Variants in FHIT observed in about 807,000 individuals in gnomAD.
The protein encoded by FHIT is bis(5'-adenosyl)-triphosphatase.
Under a neutral mutation model 17.9 loss-of-function variants are expected in FHIT, and 19 were observed. The ratio of observed to expected loss-of-function variants is 1.06; its 90% CI spans 0.74 to 1.56. FHIT has a LOEUF of 1.56. Ranked by LOEUF, FHIT falls within the 40% of genes most tolerant of loss-of-function variation. The pLI, the probability that FHIT is intolerant of heterozygous loss-of-function variation, is 0.00. For missense variants in FHIT, 248 were observed against 189.2 expected, an observed-to-expected ratio of 1.31 and a Z score of -1.82; for synonymous variants, 81 against 69.7, an observed-to-expected ratio of 1.16 and a Z score of -0.81.
chr3:60,014,246 G>C, intron 5 of FHIT, 94 bp from the exon 6 acceptor site: 1 of 1,248,490 alleles, frequency 8.0e-7, no homozygotes, highest in Non-Finnish European at 1.1e-6. Context: ...TCTCGGACCA[G>C]GGCCTGAACT....
chr3:60,785,930 C>CAG (rs1480318756), intron 4 of FHIT, among the ~76,000 whole-genome samples: 4 of 119,806 alleles, frequency 3.3e-5, no homozygotes, highest in African/African-American at 1.3e-4. Context: ...CACACACACA[C>CAG]ACACAGAGAG....
intron 4 of FHIT, among the ~76,000 whole-genome samples, chr3:60,575,593 G>A (rs13076604): frequency 0.3 from 46,331 of 151,988 alleles, 7,304 homozygotes; most frequent in Non-Finnish European, 0.34. Context: ...GAAGACCACA[G>A]TATAAAATGT....
chr3:60,390,396 T>TGAAAAAAAAAAAAAAAAAAAA (rs1701174274), intron 5 of FHIT, among the ~76,000 whole-genome samples: 1 of 32,028 alleles, frequency 3.1e-5, no homozygotes, highest in African/African-American at 1.2e-4. Context: ...GTAATGGAGC[T>TGAAAAAAAAAAAAAAAAAAAA]AAAAAAAAAA....
intron 2 of FHIT, among the ~76,000 whole-genome samples, chr3:61,150,128 G>A (rs2037343942): frequency 6.6e-6 from 1 of 151,878 alleles, no homozygotes; most frequent in East Asian, 1.9e-4. Flanking sequence ...AATGATAAAT[G>A]AGTCCAACTT....
rs150022179 is a variant in FHIT at position 60,109,119 on chromosome 3, G to C, written c.104-94967C>G. On this transcript the variant is annotated intron_variant, in intron 5 of 9. Coordinates refer to ENST00000492590, the MANE Select transcript of FHIT (RefSeq NM_002012.4). ...TAATTCTGCTCTAGATGCTGTAAAA[G>C]AGGGGGACGGGGGTAGGGGCAGGGA... 5.2e-4 allele frequency among the ~76,000 whole-genome samples: 78 copies of C among 150,512 alleles called. No individual in the cohort carries two copies. The East Asian group carries it at 0.014, about 27-fold the overall frequency.
In FHIT at chr3:60,066,630, A is replaced by ATTTTTTTTTTTTTTTTTTT. The variant is rs71089574; in HGVS notation, c.104-52497_104-52479dup. Reference sequence around the variant, plus strand: ...ATAGGTTGATTTTAATCCCTGACAAATTTTTTTTTTTTTTTTTTTTTTTTT... The same window carrying ATTTTTTTTTTTTTTTTTTT: ...ATAGGTTGATTTTAATCCCTGACAAATTTTTTTTTTTTTTTTTTTTTTTTTTTTTTTTTTTTTTTTTTTT... On this transcript the variant is annotated intron_variant, in intron 5 of 9. Transcript: ENST00000492590. 3.1e-4 allele frequency among the ~76,000 whole-genome samples: 16 copies of ATTTTTTTTTTTTTTTTTTT among 51,422 alleles called. 1 individual carries two copies. The highest frequency in any genetic ancestry group is 9.2e-4 in the South Asian group (1 of 1,082). The allele number at this position is 51,422 out of a possible 152,430, so 33.7% of individuals were successfully genotyped here. A position where few individuals can be genotyped will look rare whatever the true frequency, so the allele number is the denominator to read the frequency against.
intron 2 of FHIT, among the ~76,000 whole-genome samples, chr3:61,108,854 T>C (rs1394320994): frequency 4.6e-5 from 7 of 152,232 alleles, no homozygotes; most frequent in Admixed American, 4.6e-4. Flanking sequence ...TAATGGCAGA[T>C]ATGATTAAGG....
At chr3:61,033,408 C>T (rs1452478232) in intron 3 of FHIT, among the ~76,000 whole-genome samples, 1 of 151,992 alleles carries the variant, frequency 6.6e-6, no homozygotes, top group Non-Finnish European at 1.5e-5. Flanking sequence ...ACCTCAAAGA[C>T]TGAGTAGGAA....
chr3:61,138,893 T>C (rs2036993569), intron 2 of FHIT, among the ~76,000 whole-genome samples: 1 of 152,196 alleles, frequency 6.6e-6, no homozygotes, highest in East Asian at 1.9e-4. Flanking sequence ...AATGTTATGC[T>C]GCTGCTCTAG....
At chr3:60,787,963 T>C (rs1700641898) in intron 4 of FHIT, among the ~76,000 whole-genome samples, 1 of 152,140 alleles carries the variant, frequency 6.6e-6, no homozygotes, top group African/African-American at 2.4e-5. Context: ...AAGAAGAATA[T>C]GATGTGCCTT....
chr3:60,860,165 C>CTGAT (rs1559778132), intron 3 of FHIT, among the ~76,000 whole-genome samples: 26 of 79,948 alleles, frequency 3.3e-4, no homozygotes, highest in African/African-American at 7.9e-4. Flanking sequence ...TGATATACAT[C>CTGAT]ATATGTATAT....
chr3:59,882,735 CAA>C (rs1419778940), intron 8 of FHIT, among the ~76,000 whole-genome samples: 1 of 152,110 alleles, frequency 6.6e-6, no homozygotes, highest in Non-Finnish European at 1.5e-5. Context: ...GTGCTGCTCC[CAA>C]AAACATATGA....
intron 5 of FHIT, among the ~76,000 whole-genome samples, chr3:60,164,052 C>G (rs1050249826): frequency 6.5e-4 from 99 of 152,188 alleles, no homozygotes; most frequent in Middle Eastern, 6.8e-3. Flanking sequence ...AGGATTCCAA[C>G]AAAAACATTT....
chr3:60,024,915 C>T (rs1700684419), intron 5 of FHIT, among the ~76,000 whole-genome samples: 1 of 152,164 alleles, frequency 6.6e-6, no homozygotes, highest in Admixed American at 6.6e-5. Flanking sequence ...AAGCTGAAGG[C>T]CACTGGGAAT....
In FHIT at chr3:60,647,101, CCCT is replaced by C. The variant is rs2039877887; in HGVS notation, c.-17-110125_-17-110123del. On this transcript the variant is annotated intron_variant, in intron 4 of 9. Coordinates refer to ENST00000492590, the MANE Select transcript of FHIT (RefSeq NM_002012.4). ...ATATTTCTTCCATATCCCTACATGGCCCTCCTAAGAAATATACCTTTAGCAATG... is the reference window on the plus strand; with the variant it reads ...ATATTTCTTCCATATCCCTACATGGCCCTAAGAAATATACCTTTAGCAATG... Among the ~76,000 whole-genome samples the C allele has an allele frequency of 2.0e-5, 3 of 152,162 alleles. No individual in the cohort carries two copies. The South Asian group carries it at 6.2e-4, about 32-fold the overall frequency.
At chr3:60,388,206 A>C (rs1701085567) in intron 5 of FHIT, among the ~76,000 whole-genome samples, 1 of 152,296 alleles carries the variant, frequency 6.6e-6, no homozygotes, top group Admixed American at 6.5e-5. Flanking sequence ...TCTGAGATAA[A>C]ATTAACCCCC....
chr3:60,794,677 G>A (rs1700913324), intron 4 of FHIT, among the ~76,000 whole-genome samples: 1 of 152,040 alleles, frequency 6.6e-6, no homozygotes, highest in African/African-American at 2.4e-5. Flanking sequence ...CTTTTGATGG[G>A]GCTAATATTT....
intron 9 of FHIT, chr3:59,751,870 TAAG>T (rs1329631458): frequency 1.2e-5 from 3 of 256,106 alleles, no homozygotes; most frequent in Non-Finnish European, 2.2e-5. Flanking sequence ...ACCTTTAAGT[TAAG>T]TTGGGGTTGA....
intron 3 of FHIT, among the ~76,000 whole-genome samples, chr3:60,875,447 T>C (rs568974192): frequency 2.5e-4 from 38 of 152,200 alleles, no homozygotes; most frequent in Admixed American, 3.3e-4. Context: ...AGACAAGCCT[T>C]ATCCTCAAAC....
Sources: gnomAD v4.1 joint callset for allele counts (sites outside exome capture counted in the v4.1 genomes callset) on GRCh38, gnomAD v4.1.1 for gene constraint, MANE v1.5 for transcripts, NCBI Gene and HGNC (gene_info 2026-07-23, HGNC 2026-07-21) for gene names.